The following NRXN1 variants were observed in gnomAD, a reference collection of about 807,000 sequenced individuals.
NRXN1 encodes neurexin 1.
NRXN1 carries 39 observed loss-of-function variants against 150.9 expected under a neutral mutation model. The ratio of observed to expected loss-of-function variants is 0.26; its 90% CI spans 0.20 to 0.34. The LOEUF (loss-of-function observed/expected upper bound fraction) is 0.34, where lower values mean the gene tolerates loss of function less well. Ranked by LOEUF, NRXN1 falls within the 10% of genes least tolerant of loss-of-function variation. The pLI is 1.00. For synonymous variants in NRXN1, 924 were observed against 757.0 expected (o/e 1.22, Z -3.62); for missense variants, 1,815 against 1,949.9 (o/e 0.93, Z 1.30).
chr2:50,911,139 C>T (rs1243075503), intron 5 of NRXN1, among the ~76,000 whole-genome samples: 1 of 151,972 alleles, frequency 6.6e-6, no homozygotes, highest in East Asian at 1.9e-4. Flanking sequence ...CCCCTCAAAT[C>T]ACATGCAATA....
intron 18 of NRXN1, among the ~76,000 whole-genome samples, chr2:50,194,467 G>T (rs2152826549): frequency 6.6e-6 from 1 of 152,152 alleles, no homozygotes; most frequent in Non-Finnish European, 1.5e-5. Context: ...AATTTGCTTT[G>T]AATTATATTA....
intron 18 of NRXN1, among the ~76,000 whole-genome samples, chr2:50,207,866 A>G (rs1360073016): frequency 2.0e-5 from 3 of 152,090 alleles, no homozygotes; most frequent in Non-Finnish European, 4.4e-5. Flanking sequence ...ATTCAGTACC[A>G]CAAGTTAGGG....
At chr2:50,116,314 T>A (rs1447038723) in intron 18 of NRXN1, among the ~76,000 whole-genome samples, 1 of 152,066 alleles carries the variant, frequency 6.6e-6, no homozygotes, top group African/African-American at 2.4e-5. Context: ...CTGAACCTCA[T>A]AGGGCTAATT....
chr2:50,621,297 T>C, intron 6 of NRXN1, 48 bp from the exon 7 acceptor site: 1 of 1,404,524 alleles, frequency 7.1e-7, no homozygotes, highest in African/African-American at 1.4e-5. Context: ...GTGAACAGAA[T>C]AACGATCGTT....
chr2:50,284,168 C>T (rs2071816279), intron 17 of NRXN1, among the ~76,000 whole-genome samples: 1 of 152,178 alleles, frequency 6.6e-6, no homozygotes, highest in Non-Finnish European at 1.5e-5. Context: ...GGTACAGTGA[C>T]CTTTGAGGAT....
In NRXN1 at chr2:50,053,260, C is replaced by T; in HGVS notation, c.4128+11G>A. ...AGGATGAAAATGAAGGAATAAAATC[C>T]ACAGGCTCACCTGGCTAATGGGTTC... On this transcript the variant is annotated intron_variant, in intron 21 of 22. Coordinates refer to ENST00000401669, the MANE Select transcript of NRXN1 (RefSeq NM_001330078.2). The T allele has an allele frequency of 1.2e-6, 2 of 1,613,672 alleles. No homozygotes were observed. Among genetic ancestry groups the T allele is most frequent in the Non-Finnish European group, 1.7e-6 (2 of 1,179,712 alleles).
chr2:50,160,853 T>A (rs1453960094), intron 18 of NRXN1, among the ~76,000 whole-genome samples: 1 of 152,136 alleles, frequency 6.6e-6, no homozygotes, highest in Non-Finnish European at 1.5e-5. Context: ...CACAACAGTG[T>A]GAGATTATTT....
chr2:50,535,001 G>A (rs1300730341), intron 10 of NRXN1, among the ~76,000 whole-genome samples: 2 of 152,140 alleles, frequency 1.3e-5, no homozygotes, highest in Non-Finnish European at 2.9e-5. Context: ...TAAAACTAGA[G>A]TGCCCCCGAG....
intron 17 of NRXN1, among the ~76,000 whole-genome samples, chr2:50,362,753 C>A (rs2079311471): frequency 6.6e-6 from 1 of 152,090 alleles, no homozygotes; most frequent in South Asian, 2.1e-4. Context: ...CTTTAAATTT[C>A]ATATGGAATA....
intron 5 of NRXN1, among the ~76,000 whole-genome samples, chr2:50,863,942 T>G (rs1419878708): frequency 6.6e-6 from 1 of 151,980 alleles, no homozygotes; most frequent in Non-Finnish European, 1.5e-5. Flanking sequence ...ATACAGCACC[T>G]CCTCAGGTTG....
At chr2:50,398,700 C>A (rs1235416194) in intron 17 of NRXN1, among the ~76,000 whole-genome samples, 1 of 152,048 alleles carries the variant, frequency 6.6e-6, no homozygotes, top group South Asian at 2.1e-4. Context: ...TGGGCACTGC[C>A]TTTGGACAGG....
Position 50,051,680 on chromosome 2 carries a change from C to T in NRXN1, c.4128+1591G>A, listed in dbSNP as rs79587769. On this transcript the variant is annotated intron_variant, in intron 21 of 22. Coordinates refer to ENST00000401669, the MANE Select transcript of NRXN1 (RefSeq NM_001330078.2). ...GAACTAAGTGCTATGATGTTATTGG[C>T]AACCTTATAAATCCTAACGAGAGAA... is the stretch of plus-strand genomic sequence containing the variant. Among the ~76,000 whole-genome samples the T allele has an allele frequency of 2.5e-3, 382 of 152,136 alleles. 18 individuals are homozygous for T. The East Asian group carries it at 0.059, about 23-fold the overall frequency.
intron 5 of NRXN1, among the ~76,000 whole-genome samples, chr2:50,685,222 G>T (rs370269760): frequency 5.3e-5 from 8 of 152,222 alleles, no homozygotes; most frequent in Admixed American, 6.5e-5. Context: ...TGATCCGCCT[G>T]TTTTTCTTTT....
At chr2:51,030,770 A>G (rs1403397159) in intron 1 of NRXN1, among the ~76,000 whole-genome samples, 3 of 152,156 alleles carry the variant, frequency 2.0e-5, no homozygotes, top group African/African-American at 4.8e-5. Flanking sequence ...TCATATTTTA[A>G]GTGGACTCAG....
chr2:50,074,046 T>G (rs1696689877), intron 19 of NRXN1, among the ~76,000 whole-genome samples: 1 of 152,098 alleles, frequency 6.6e-6, no homozygotes, highest in Non-Finnish European at 1.5e-5. Context: ...TAATGACACA[T>G]ATAACCATAG....
chr2:50,872,921 G>C (rs1678006202), intron 5 of NRXN1, among the ~76,000 whole-genome samples: 2 of 151,874 alleles, frequency 1.3e-5, no homozygotes, highest in African/African-American at 4.8e-5. Context: ...AGGATCATTT[G>C]AGTTCAGGAG....
intron 18 of NRXN1, among the ~76,000 whole-genome samples, chr2:50,212,037 C>T (rs1372333013): frequency 8.0e-5 from 12 of 149,092 alleles, no homozygotes; most frequent in Non-Finnish European, 1.6e-4. Flanking sequence ...TGCTTATTGG[C>T]AAACTAAATC....
chr2:50,922,753 G>T, intron 3 of NRXN1, 66 bp from the exon 4 acceptor site: 1 of 1,518,896 alleles, frequency 6.6e-7, no homozygotes. Flanking sequence ...GGTTGTCACG[G>T]TGACAAAAAT....
chr2:50,612,370 A>G (rs2104106860), intron 8 of NRXN1, among the ~76,000 whole-genome samples: 1 of 152,232 alleles, frequency 6.6e-6, no homozygotes, highest in East Asian at 1.9e-4. Flanking sequence ...AATCCACCAA[A>G]AACTTGTTTT....
Sources: allele counts gnomAD v4.1 joint callset (sites outside exome capture counted in the v4.1 genomes callset), GRCh38; gene constraint gnomAD v4.1.1; transcripts MANE v1.5; gene names NCBI Gene and HGNC (gene_info 2026-07-23, HGNC 2026-07-21).